Variants in DOCK6 observed in about 807,000 individuals in gnomAD.
DOCK6 encodes dedicator of cytokinesis 6.
DOCK6 carries 167 observed loss-of-function variants against 230.3 expected under a neutral mutation model. That is an observed-to-expected ratio of 0.73 (90% CI 0.64 to 0.82). DOCK6 has a LOEUF of 0.82. Among genes scored for constraint, DOCK6 ranks in the 40% least tolerant of loss-of-function variants. The probability of loss-of-function intolerance (pLI) is 0.00; values close to 1 mark genes in which losing one functional copy is unlikely to be tolerated. For synonymous variants in DOCK6, 1,148 were observed against 1,185.0 expected (o/e 0.97, Z 0.64); for missense variants, 2,598 against 2,825.8 (o/e 0.92, Z 1.83).
At chr19:11,206,791 G>A (rs1009137762) in intron 39 of DOCK6, among the ~76,000 whole-genome samples, 18 of 151,676 alleles carry the variant, frequency 1.2e-4, no homozygotes, top group African/African-American at 4.4e-4. Flanking sequence ...TTGCACAGGG[G>A]GTACTTGTGG....
chr19:11,223,190 C>T, intron 24 of DOCK6, 84 bp from the exon 25 acceptor site: 2 of 1,246,394 alleles, frequency 1.6e-6, no homozygotes, highest in South Asian at 2.7e-5. Context: ...CATCTGCCAC[C>T]CCTAGGAGCT....
chr19:11,227,571 G>C, intron 23 of DOCK6, 94 bp from the exon 24 acceptor site: 1 of 1,449,622 alleles, frequency 6.9e-7, no homozygotes, highest in South Asian at 1.3e-5. Context: ...CTGTGGGTGG[G>C]GCTTGAAGGA....
At position 11,222,702 on chromosome 19, in the gene DOCK6, CAA is replaced by C. The variant is rs2079599284; in HGVS notation, c.3240+31_3240+32del. The C allele has an allele frequency of 6.5e-7, 1 of 1,541,272 alleles. No individual in the cohort carries two copies. The highest frequency in any genetic ancestry group is 1.4e-5 in the African/African-American group (1 of 72,878). ...GGACTGAAGGTGAGAGGTTGTAGGT[CAA>C]AGAGAGGAGGCAGAAGTGAAGGCAG... On this transcript the variant is annotated intron_variant, in intron 26 of 47. Coordinates refer to ENST00000294618, the MANE Select transcript of DOCK6 (RefSeq NM_020812.4). This position sits in a 1 kb window ranked among gnomAD's most constrained non-coding sequence, Gnocchi z 4.0.
intron 22 of DOCK6, chr19:11,229,237 A>G: frequency 7.6e-7 from 1 of 1,310,962 alleles, no homozygotes; most frequent in Non-Finnish European, 9.9e-7. Context: ...GGGGAGGAGC[A>G]CTGGACCCCT....
At chr19:11,226,248 C>T (rs1409040387) in intron 24 of DOCK6, among the ~76,000 whole-genome samples, 2 of 152,170 alleles carry the variant, frequency 1.3e-5, no homozygotes, top group African/African-American at 2.4e-5. Flanking sequence ...TCATTCTGCC[C>T]CTTCTCAGTC....
intron 34 of DOCK6, among the ~76,000 whole-genome samples, chr19:11,213,796 A>ATT (rs763028538): frequency 4.5e-5 from 5 of 111,436 alleles, no homozygotes; most frequent in African/African-American, 7.0e-5. Context: ...TCTGGCTAAC[A>ATT]TTTTTTTTTT....
rs764405177 is a variant in DOCK6, at chr19:11,200,353, G to C, written c.6056C>G (p.Thr2019Ser). Residue 2019 changes from threonine to serine, a missense_variant, in exon 47 of 48, where the codon ACC (threonine) becomes AGC (serine). Physicochemically the swap from Thr to Ser is moderately conservative, Grantham distance 58. Coordinates refer to ENST00000294618, the MANE Select transcript of DOCK6 (RefSeq NM_020812.4). The surrounding 1 kb of genome is among the most constrained non-coding windows in gnomAD (Gnocchi z 4.3). ...RLREALQPLL[T>S]QRLPQLMAPT... ...TGCCATCAGCTGGGGCAGGCGCTGG[G>C]TAAGCAGGGGCTGCAGAGCCTCCCG... The C allele has an allele frequency of 5.1e-6, 8 of 1,582,500 alleles. No individual in the cohort carries two copies. The Admixed American group carries it at 1.1e-4, about 22-fold the overall frequency.
At chr19:11,217,188 T>C (rs1251718051) in intron 29 of DOCK6, 43 bp downstream of exon 29, 5 of 1,602,236 alleles carry the variant, frequency 3.1e-6, no homozygotes, top group Non-Finnish European at 4.3e-6. Context: ...ACTTCTCTCA[T>C]TCAAAGTGGA....
chr19:11,259,636 C>A (rs2080253720), intron 1 of DOCK6, among the ~76,000 whole-genome samples: 2 of 146,856 alleles, frequency 1.4e-5, no homozygotes, highest in East Asian at 2.0e-4. Flanking sequence ...CGGCTCACTG[C>A]AACCTCTACC....
Position 11,243,514 on chromosome 19 carries a change from A to G in DOCK6, c.1258+43T>C. 1 of 1,554,762 alleles carries G rather than the reference A, an allele frequency of 6.4e-7. No homozygotes were observed. The highest frequency in any genetic ancestry group is 2.4e-5 in the East Asian group (1 of 41,566). On this transcript the variant is annotated intron_variant, in intron 11 of 47. Coordinates refer to ENST00000294618, the MANE Select transcript of DOCK6 (RefSeq NM_020812.4). This position sits in a 1 kb window ranked among gnomAD's most constrained non-coding sequence, Gnocchi z 6.3. ...GCCCCGCCCCAGGCCTGTCAGCACCACCCTTTAGCCCCGCCCCAAGCCTGT... is the reference window on the plus strand; with the variant it reads ...GCCCCGCCCCAGGCCTGTCAGCACCGCCCTTTAGCCCCGCCCCAAGCCTGT...
intron 39 of DOCK6, among the ~76,000 whole-genome samples, chr19:11,205,365 C>T (rs951294492): frequency 6.6e-6 from 1 of 152,002 alleles, no homozygotes; most frequent in Non-Finnish European, 1.5e-5. Context: ...TAACCCCACC[C>T]GTGTATTTTT....
rs1039334846 is a variant in DOCK6, at chr19:11,212,168, G to A, written c.4492-17C>T. The A allele has an allele frequency of 1.6e-5, 25 of 1,600,752 alleles. No homozygotes were observed. Among genetic ancestry groups the A allele is most frequent in the Middle Eastern group, 1.7e-4 (1 of 5,756 alleles). On this transcript the variant is annotated splice_polypyrimidine_tract_variant and intron_variant, in intron 35 of 47. Coordinates refer to ENST00000294618, the MANE Select transcript of DOCK6 (RefSeq NM_020812.4). The stretch of plus-strand genomic sequence containing the variant: ...GGCAAAGTTCTGCAGGGACAGGGGC[G>A]GGAGGGTGGAGCCGGGAGTCTCAGA...
At chr19:11,256,169 G>C (rs1364514410) in intron 1 of DOCK6, among the ~76,000 whole-genome samples, 1 of 152,266 alleles carries the variant, frequency 6.6e-6, no homozygotes, top group East Asian at 1.9e-4. Context: ...GAATTCAAAG[G>C]ATGTGAAAAA....
In DOCK6 at chr19:11,204,040, G is replaced by C. The variant is rs1039845476; in HGVS notation, c.5235+41C>G. On this transcript the variant is annotated intron_variant, in intron 41 of 47. Transcript: ENST00000294618. ...GATGGCTGCTGGCCAGTCATCACGG[G>C]GGTCCCAGAGGCAGGTGGCTGTCCA... The C allele has an allele frequency of 3.9e-6, 6 of 1,549,104 alleles. No individual in the cohort carries two copies. In the African/African-American group the frequency reaches 8.2e-5, roughly 21 times the overall value.
chr19:11,215,283 T>TA lies in DOCK6; in HGVS notation c.4106+103dup, dbSNP rs1332223432. 53 of 1,024,638 alleles carry TA rather than the reference T, an allele frequency of 5.2e-5. 1 individual carries two copies. 63.5% of individuals were successfully genotyped at this position (1,024,638 alleles called of 1,614,324 possible). A position where few individuals can be genotyped will look rare whatever the true frequency, so the allele number is the denominator to read the frequency against. On this transcript the variant is annotated intron_variant, in intron 32 of 47. Transcript: ENST00000294618. The stretch of plus-strand genomic sequence containing the variant: ...TTTAAATTTTTGGTAGAGAGGGTCT[T>TA]ACTATGTTGCCCAGGCTGGTCTCGA...
intron 14 of DOCK6, chr19:11,239,533 C>A (rs1037661138): frequency 2.2e-6 from 3 of 1,385,324 alleles, no homozygotes; most frequent in East Asian, 2.3e-5. Context: ...TTGTGCAATG[C>A]GGGGCACCAG....
intron 21 of DOCK6, among the ~76,000 whole-genome samples, chr19:11,234,125 A>G (rs905682448): frequency 6.6e-6 from 1 of 151,936 alleles, no homozygotes; most frequent in Non-Finnish European, 1.5e-5. Context: ...TCAGCCTCCC[A>G]AGTAGCTGGG....
intron 41 of DOCK6, chr19:11,203,766 A>C (rs1185495597): frequency 2.0e-6 from 1 of 502,656 alleles, no homozygotes; most frequent in Non-Finnish European, 3.5e-6. Flanking sequence ...GAAAGAGACC[A>C]AGAGACCATG....
chr19:11,229,037 T>C lies in DOCK6; in HGVS notation c.2719-2A>G. On this transcript the variant is annotated splice_acceptor_variant, in intron 22 of 47. Coordinates refer to ENST00000294618, the MANE Select transcript of DOCK6 (RefSeq NM_020812.4). LOFTEE classifies it high-confidence loss of function. ...CAGAGCCAGCTCCTCGTGAAGCAGC[T>C]GGGGACAGAGGCAGGGGTCACAGAG... The C allele has an allele frequency of 6.2e-7, 1 of 1,613,190 alleles. No individual in the cohort carries two copies. Among genetic ancestry groups the C allele is most frequent in the East Asian group, 2.2e-5 (1 of 44,856 alleles).
Sources: allele counts gnomAD v4.1 joint callset (sites outside exome capture counted in the v4.1 genomes callset), GRCh38; gene constraint gnomAD v4.1.1; non-coding constraint Gnocchi (gnomAD v3.1); transcripts MANE v1.5; gene names NCBI Gene and HGNC (gene_info 2026-07-23, HGNC 2026-07-21).